Variants in IL1RAPL1 observed in about 807,000 individuals in gnomAD.
IL1RAPL1 encodes interleukin-1 receptor accessory protein-like 1.
Under a neutral mutation model 48.4 loss-of-function variants are expected in IL1RAPL1, and 3 were observed. The observed-to-expected ratio is 0.06, with a 90% CI of 0.03 to 0.16. The LOEUF (loss-of-function observed/expected upper bound fraction) is 0.16, where lower values mean the gene tolerates loss of function less well. IL1RAPL1 is among the 10% of genes least tolerant of loss of function. The pLI, the probability that IL1RAPL1 is intolerant of heterozygous loss-of-function variation, is 1.00. For synonymous variants in IL1RAPL1, 185 were observed against 187.7 expected, an observed-to-expected ratio of 0.99 and a Z score of 0.12; for missense variants, 349 against 530.6, an observed-to-expected ratio of 0.66 and a Z score of 3.36.
At chrX:29,316,631 A>G (rs1217711473) in intron 3 of IL1RAPL1, among the ~76,000 whole-genome samples, 2 of 112,021 alleles carry the variant, frequency 1.8e-5, no homozygotes, top group Non-Finnish European at 3.8e-5. Flanking sequence ...AAAGGGTGAG[A>G]TATCTTGAAG....
intron 2 of IL1RAPL1, among the ~76,000 whole-genome samples, chrX:29,081,716 G>A (rs761951961): frequency 4.7e-4 from 52 of 111,197 alleles, no homozygotes; most frequent in African/African-American, 1.6e-3. Flanking sequence ...CAAGAGTGCG[G>A]CAATAAAAAA....
intron 5 of IL1RAPL1, among the ~76,000 whole-genome samples, chrX:29,452,049 G>C (rs1205395646): frequency 3.6e-5 from 4 of 111,303 alleles, no homozygotes; most frequent in African/African-American, 1.3e-4. Context: ...AACAAAATAA[G>C]AAACGTCAAG....
chrX:29,367,552 TTTTATTTATTTA>T lies in IL1RAPL1; in HGVS notation c.363-28671_363-28660del, dbSNP rs35288881. On this transcript the variant is annotated intron_variant, in intron 3 of 10. Transcript: ENST00000378993. ...GTAGAGCAAAAGGGCTTCTATTTATTTTTATTTATTTATTTATTTATTTATTTATTTATTTAT... is the reference window on the plus strand; with the variant it reads ...GTAGAGCAAAAGGGCTTCTATTTATTTTTATTTATTTATTTATTTATTTAT... 4.0e-3 allele frequency among the ~76,000 whole-genome samples: 398 copies of T among 98,513 alleles called. 2 individuals are homozygous for T. The highest frequency in any genetic ancestry group is 0.014 in the African/African-American group (364 of 26,330). The allele number at this position is 98,513 out of a possible 115,157, so 85.5% of individuals were successfully genotyped here.
intron 1 of IL1RAPL1, among the ~76,000 whole-genome samples, chrX:28,744,114 TCTTA>T (rs1935943241): frequency 9.0e-6 from 1 of 111,122 alleles, no homozygotes; most frequent in African/African-American, 3.3e-5. Flanking sequence ...CTTCCATCTT[TCTTA>T]CTTTCATTAC....
At chrX:29,741,696 G>A (rs1003484835) in intron 6 of IL1RAPL1, among the ~76,000 whole-genome samples, 40 of 109,040 alleles carry the variant, frequency 3.7e-4, no homozygotes, top group African/African-American at 1.3e-3. Context: ...CGAGGTGGGC[G>A]GATCATCTCA....
intron 3 of IL1RAPL1, among the ~76,000 whole-genome samples, chrX:29,310,910 A>C (rs768471260): frequency 8.9e-6 from 1 of 111,949 alleles, no homozygotes; most frequent in Non-Finnish European, 1.9e-5. Context: ...CTTTGATGTT[A>C]CTCTAAGTTT....
intron 6 of IL1RAPL1, among the ~76,000 whole-genome samples, chrX:29,772,236 G>C (rs1268835315): frequency 1.1e-5 from 1 of 91,632 alleles, no homozygotes; most frequent in Non-Finnish European, 2.1e-5. Flanking sequence ...GGGTGACATT[G>C]TGAGACCCTG....
chrX:28,703,840 C>A (rs2146931213), intron 1 of IL1RAPL1, among the ~76,000 whole-genome samples: 1 of 111,841 alleles, frequency 8.9e-6, no homozygotes, highest in Non-Finnish European at 1.9e-5. Context: ...GAATACATGT[C>A]ATTACCACTA....
At chrX:29,236,759 G>T (rs1027791099) in intron 2 of IL1RAPL1, among the ~76,000 whole-genome samples, 1 of 101,613 alleles carries the variant, frequency 9.8e-6, no homozygotes, top group Non-Finnish European at 2.0e-5. Flanking sequence ...TAGTAGAGAC[G>T]GGGGTTTCAC....
chrX:29,591,751 G>A lies in IL1RAPL1; in HGVS notation c.704-76679G>A, dbSNP rs185677333. Among the ~76,000 whole-genome samples, 249 of 112,686 alleles carry A rather than the reference G, an allele frequency of 2.2e-3. 2 individuals carry two copies. The highest frequency in any genetic ancestry group is 7.5e-3 in the African/African-American group (233 of 31,015). On this transcript the variant is annotated intron_variant, in intron 5 of 10. Coordinates refer to ENST00000378993, the MANE Select transcript of IL1RAPL1 (RefSeq NM_014271.4). ...GGGTGACCCTGTGCATCCACTGTGC[G>A]GAGCAGCAATTTGCAGGCCCAAGTG... is the stretch of plus-strand genomic sequence containing the variant.
rs1460722771 is a variant in IL1RAPL1, at chrX:29,954,592, G to A, written c.1272G>A (p.Gly424=). ...VDPDQWNQET[G]EEERFALEIL... is the part of the protein sequence containing the mutation. ...CTGACCAGTGGAATCAAGAGACTGG[G>A]GAAGAAGAACGTTTTGCCCTTGAAA... The change falls in exon 10 of 11, where the codon GGG becomes GGA. Residue 424 remains glycine, a synonymous_variant. Transcript: ENST00000378993. The A allele has an allele frequency of 1.7e-6, 2 of 1,203,186 alleles. No individual in the cohort carries two copies. Among genetic ancestry groups the A allele is most frequent in the African/African-American group, 1.7e-5 (1 of 57,649 alleles).
chrX:29,031,569 A>G (rs996602559), intron 2 of IL1RAPL1, among the ~76,000 whole-genome samples: 6 of 112,185 alleles, frequency 5.3e-5, no homozygotes, highest in African/African-American at 9.7e-5. Flanking sequence ...TAATTTACAA[A>G]TAAGTTCCTT....
rs778402885 is a variant in IL1RAPL1 at position 28,615,199 on chromosome X, G to GTTTTTTTTTTT, written c.-25+27177_-25+27187dup. Among the ~76,000 whole-genome samples, 28 of 26,044 alleles carry GTTTTTTTTTTT rather than the reference G, an allele frequency of 1.1e-3. 4 individuals carry two copies. The highest frequency in any genetic ancestry group is 3.3e-3 in the African/African-American group (23 of 7,041). 22.6% of individuals were successfully genotyped at this position (26,044 alleles called of 115,157 possible). A position where few individuals can be genotyped will look rare whatever the true frequency, so the allele number is the denominator to read the frequency against. On this transcript the variant is annotated intron_variant, in intron 1 of 10. Transcript: ENST00000378993. ...CACTGCGCCTGGCCAACTGTTGTCT[G>GTTTTTTTTTTT]TTTTTTTTTTTTTTTTTTTTTTTTT... is the stretch of plus-strand genomic sequence containing the variant.
intron 6 of IL1RAPL1, among the ~76,000 whole-genome samples, chrX:29,779,907 A>ATT (rs1297295451): frequency 2.7e-5 from 3 of 111,519 alleles, no homozygotes; most frequent in African/African-American, 9.8e-5. Context: ...ATTACTGAAT[A>ATT]TTAGATGATG....
At chrX:28,862,871 A>T (rs1386624541) in intron 2 of IL1RAPL1, among the ~76,000 whole-genome samples, 1 of 97,120 alleles carries the variant, frequency 1.0e-5, no homozygotes, top group African/African-American at 3.9e-5. Flanking sequence ...TAATTAGTTC[A>T]TGGGAAATTA....
intron 1 of IL1RAPL1, among the ~76,000 whole-genome samples, chrX:28,681,535 G>A (rs1490122061): frequency 1.8e-5 from 2 of 111,384 alleles, no homozygotes; most frequent in Non-Finnish European, 3.8e-5. Context: ...GTTGTTCAAA[G>A]GGTACAATGT....
chrX:29,140,943 G>C (rs1452464936), intron 2 of IL1RAPL1, among the ~76,000 whole-genome samples: 2 of 111,267 alleles, frequency 1.8e-5, no homozygotes, highest in African/African-American at 3.3e-5. Flanking sequence ...AGAGGACACA[G>C]TCAGACCATA....
intron 2 of IL1RAPL1, among the ~76,000 whole-genome samples, chrX:29,145,629 C>G (rs969922404): frequency 9.0e-6 from 1 of 111,625 alleles, no homozygotes; most frequent in Non-Finnish European, 1.9e-5. Context: ...CTCTCCAACA[C>G]GAGACAGGCC....
At chrX:29,905,332 C>T (rs1481269967) in intron 6 of IL1RAPL1, among the ~76,000 whole-genome samples, 1 of 110,988 alleles carries the variant, frequency 9.0e-6, no homozygotes, top group Non-Finnish European at 1.9e-5. Flanking sequence ...CACTCTAATA[C>T]TAGTTTCTTT....
Sources: gnomAD v4.1 joint callset for allele counts (sites outside exome capture counted in the v4.1 genomes callset) on GRCh38, gnomAD v4.1.1 for gene constraint, MANE v1.5 for transcripts, NCBI Gene and HGNC (gene_info 2026-07-23, HGNC 2026-07-21) for gene names.